PGRMC2: variants seen among roughly 807,000 people sequenced by gnomAD.
PGRMC2 encodes the protein progesterone receptor membrane component 2, also known as membrane-associated progesterone receptor component 2.
In PGRMC2, 9 loss-of-function variants were observed where a neutral mutation model predicts 19.3. That is an observed-to-expected ratio of 0.47 (90% CI 0.28 to 0.81). PGRMC2 has a LOEUF of 0.81. Among genes scored for constraint, PGRMC2 ranks in the 40% least tolerant of loss-of-function variants. PGRMC2 has a pLI of 0.11. For missense variants in PGRMC2, 289 were observed against 297.3 expected (o/e 0.97, Z 0.21); for synonymous variants, 157 against 124.6 (o/e 1.26, Z -1.73).
chr4:128,274,442 C>T (rs1231493576), intron 1 of PGRMC2, among the ~76,000 whole-genome samples: 6 of 144,418 alleles, frequency 4.2e-5, no homozygotes, highest in Admixed American at 1.5e-4. Flanking sequence ...ATCCAGGAGA[C>T]GGAGGTTGCA....
chr4:128,285,125 T>C (rs1760964081), intron 1 of PGRMC2, among the ~76,000 whole-genome samples: 1 of 150,454 alleles, frequency 6.6e-6, no homozygotes. Context: ...CCTATGACTC[T>C]TAATTTTTAA....
intron 1 of PGRMC2, among the ~76,000 whole-genome samples, chr4:128,275,941 A>G (rs1174843709): frequency 2.6e-5 from 4 of 152,040 alleles, no homozygotes; most frequent in African/African-American, 9.7e-5. Context: ...TGCCCAGCTG[A>G]TCTTGAACTC....
chr4:128,276,882 GAT>G (rs1439461871), intron 1 of PGRMC2, among the ~76,000 whole-genome samples: 3 of 152,136 alleles, frequency 2.0e-5, no homozygotes. Flanking sequence ...TCATTTTAAA[GAT>G]AAATTTTATT....
At chr4:128,280,227 A>G (rs1282945403) in intron 1 of PGRMC2, among the ~76,000 whole-genome samples, 1 of 152,040 alleles carries the variant, frequency 6.6e-6, no homozygotes. Flanking sequence ...TTATTAAGAA[A>G]TGGTACAAAA....
Position 128,269,484 on chromosome 4 carries a change from T to C in PGRMC2, c.*1832A>G, listed in dbSNP as rs1051336401. The stretch of plus-strand genomic sequence containing the variant: ...ATTTTACATAAAAACACAAAGCATT[T>C]ACCAACACTCCACAACCAGTCTTCA... On this transcript the variant is annotated 3_prime_UTR_variant, in exon 3 of 3. Coordinates refer to ENST00000296425, the MANE Select transcript of PGRMC2 (RefSeq NM_006320.6). 1.3e-5 allele frequency: 2 copies of C among 152,200 alleles called. No homozygotes were observed. Among genetic ancestry groups the C allele is most frequent in the African/African-American group, 4.8e-5 (2 of 41,452 alleles). 9.4% of individuals were successfully genotyped at this position (152,200 alleles called of 1,614,324 possible).
chr4:128,282,521 T>C (rs11947006), intron 1 of PGRMC2, among the ~76,000 whole-genome samples: 3,400 of 152,302 alleles, frequency 0.022, 126 homozygotes, highest in African/African-American at 0.078. Flanking sequence ...GGGATGATGT[T>C]GAATTCAGAG....
chr4:128,269,380 T>C lies in PGRMC2; in HGVS notation c.*1936A>G, dbSNP rs556336431. Reference sequence around the variant, plus strand: ...ACAAGTACAGTTTATTACTAGACTTTAGGCTTGAATGATTCATATATATAG... The same window carrying C: ...ACAAGTACAGTTTATTACTAGACTTCAGGCTTGAATGATTCATATATATAG... On this transcript the variant is annotated 3_prime_UTR_variant, in exon 3 of 3. Coordinates refer to ENST00000296425, the MANE Select transcript of PGRMC2 (RefSeq NM_006320.6). The C allele has an allele frequency of 4.6e-5, 7 of 152,324 alleles. No homozygotes were observed. The highest frequency in any genetic ancestry group is 7.4e-5 in the Non-Finnish European group (5 of 68,024). 9.4% of individuals were successfully genotyped at this position (152,324 alleles called of 1,614,324 possible).
intron 1 of PGRMC2, among the ~76,000 whole-genome samples, chr4:128,281,276 AT>A (rs1384317645): frequency 6.6e-6 from 1 of 152,236 alleles, no homozygotes; most frequent in Non-Finnish European, 1.5e-5. Flanking sequence ...ATTTGTAGTC[AT>A]GGCAGTTTTG....
intron 1 of PGRMC2, among the ~76,000 whole-genome samples, chr4:128,283,444 C>A (rs776154648): frequency 6.6e-6 from 1 of 152,120 alleles, no homozygotes; most frequent in Non-Finnish European, 1.5e-5. Flanking sequence ...CTAAGAGGTG[C>A]CTTGTTAGTG....
chr4:128,281,978 C>T (rs995602112), intron 1 of PGRMC2, among the ~76,000 whole-genome samples: 1 of 152,112 alleles, frequency 6.6e-6, no homozygotes, highest in South Asian at 2.1e-4. Flanking sequence ...AAAAAGGTAA[C>T]CTTGCTTAGC....
At chr4:128,283,192 A>G (rs905535304) in intron 1 of PGRMC2, among the ~76,000 whole-genome samples, 9 of 152,376 alleles carry the variant, frequency 5.9e-5, no homozygotes, top group African/African-American at 2.2e-4. Flanking sequence ...AAAACTTATG[A>G]TTCTGTAAAC....
At chr4:128,284,460 C>G (rs1760955594) in intron 1 of PGRMC2, among the ~76,000 whole-genome samples, 2 of 152,096 alleles carry the variant, frequency 1.3e-5, no homozygotes, top group South Asian at 4.1e-4. Context: ...TTTACATGAC[C>G]AAACTTTCCT....
intron 1 of PGRMC2, among the ~76,000 whole-genome samples, chr4:128,279,074 G>A (rs1041733721): frequency 6.6e-6 from 1 of 152,086 alleles, no homozygotes; most frequent in African/African-American, 2.4e-5. Flanking sequence ...TGGGTGTCGT[G>A]GCGCATGCCT....
intron 1 of PGRMC2, among the ~76,000 whole-genome samples, chr4:128,283,648 G>A (rs1433483800): frequency 7.3e-6 from 1 of 137,894 alleles, no homozygotes; most frequent in Non-Finnish European, 1.5e-5. Context: ...ATAACATAAA[G>A]CCATAAAAGC....
In PGRMC2 at chr4:128,287,432, A is replaced by G; in HGVS notation, c.359T>C (p.Leu120Pro). 1 of 1,613,290 alleles carries G rather than the reference A, an allele frequency of 6.2e-7. No homozygotes were observed. Among genetic ancestry groups the G allele is most frequent in the Non-Finnish European group, 8.5e-7 (1 of 1,179,400 alleles). Residue 120 changes from leucine to proline, a missense_variant, in exon 1 of 3, where the codon CTG becomes CCG. Transcript: ENST00000296425. ...QYDGSRNPRI[L>P]LAVNGKVFDV... is the part of the protein sequence containing the mutation. ...GAAGACTTTCCCATTGACCGCGAGC[A>G]GGATGCGCGGGTTGCGGGAGCCGTC... is the stretch of plus-strand genomic sequence containing the variant.
intron 1 of PGRMC2, among the ~76,000 whole-genome samples, chr4:128,283,971 ATTTTTATTTTTTT>A (rs1226163582): frequency 1.3e-5 from 1 of 79,148 alleles, no homozygotes; most frequent in Non-Finnish European, 2.8e-5. Context: ...TTATTTTTTT[ATTTTTATTTTTTT>A]TTTTTTAGTA....
chr4:128,274,183 T>C (rs1450496364), intron 1 of PGRMC2, among the ~76,000 whole-genome samples: 1 of 152,208 alleles, frequency 6.6e-6, no homozygotes, highest in African/African-American at 2.4e-5. Flanking sequence ...CACTGGCCAA[T>C]ATTCGTAACC....
intron 1 of PGRMC2, among the ~76,000 whole-genome samples, chr4:128,275,343 T>A (rs1215836914): frequency 1.3e-5 from 2 of 152,162 alleles, no homozygotes; most frequent in Non-Finnish European, 2.9e-5. Context: ...CATCTTTGAG[T>A]ATATTAATAT....
intron 1 of PGRMC2, among the ~76,000 whole-genome samples, chr4:128,279,191 A>T (rs1303198864): frequency 6.6e-6 from 1 of 152,070 alleles, no homozygotes; most frequent in African/African-American, 2.4e-5. Context: ...CTGGGCAACA[A>T]GAGTGAAACT....
Sources: allele counts gnomAD v4.1 joint callset (sites outside exome capture counted in the v4.1 genomes callset), GRCh38; gene constraint gnomAD v4.1.1; transcripts MANE v1.5; gene names NCBI Gene and HGNC (gene_info 2026-07-23, HGNC 2026-07-21).